GSG1L: variants seen among roughly 807,000 people sequenced by gnomAD.
GSG1L encodes the protein germ cell-specific gene 1-like protein.
Under a neutral mutation model 42.1 loss-of-function variants are expected in GSG1L, and 24 were observed. The ratio of observed to expected loss-of-function variants is 0.57; its 90% CI spans 0.41 to 0.80. GSG1L has a LOEUF of 0.80. Among genes scored for constraint, GSG1L ranks in the 30% least tolerant of loss-of-function variants. The probability of loss-of-function intolerance (pLI) is 0.00; values close to 1 mark genes in which losing one functional copy is unlikely to be tolerated. For missense variants in GSG1L, 445 were observed against 472.2 expected (o/e 0.94, Z 0.53); for synonymous variants, 215 against 203.5 (o/e 1.06, Z -0.48).
intron 1 of GSG1L, among the ~76,000 whole-genome samples, chr16:28,017,412 C>T (rs187448855): frequency 1.4e-4 from 21 of 152,300 alleles, no homozygotes; most frequent in African/African-American, 4.3e-4. Context: ...AACTTCTTGG[C>T]GTTATCTAAT....
chr16:27,873,210 A>T (rs1441832660), intron 3 of GSG1L, among the ~76,000 whole-genome samples: 3 of 152,180 alleles, frequency 2.0e-5, no homozygotes, highest in Non-Finnish European at 4.4e-5. Flanking sequence ...GAAGTTCTAA[A>T]ATCCAAATGT....
intron 2 of GSG1L, among the ~76,000 whole-genome samples, chr16:27,946,579 AAGAGAGAGAGAGAGAGAGAGAGAGAG>A (rs1166800286): frequency 3.5e-4 from 13 of 36,998 alleles, no homozygotes; most frequent in African/African-American, 1.4e-3. Flanking sequence ...GAAAGAAAGA[AAGAGAGAGAGAGAGAGAGAGAGAGAG>A]AGAGAGAGAG....
intron 4 of GSG1L, among the ~76,000 whole-genome samples, chr16:27,832,799 C>A (rs997562282): frequency 2.6e-5 from 4 of 152,164 alleles, no homozygotes; most frequent in Non-Finnish European, 5.9e-5. Flanking sequence ...TGCCCACTTT[C>A]TAATTGGATT....
At chr16:27,946,196 C>T (rs987832972) in intron 2 of GSG1L, among the ~76,000 whole-genome samples, 2 of 152,130 alleles carry the variant, frequency 1.3e-5, no homozygotes, top group South Asian at 2.1e-4. Flanking sequence ...GTCAGCTGCC[C>T]GGCCACTCTG....
rs577534942 is a variant in GSG1L at position 27,954,713 on chromosome 16, G to C, written c.397+8443C>G. 3.3e-5 allele frequency among the ~76,000 whole-genome samples: 5 copies of C among 152,288 alleles called. No homozygotes were observed. In the South Asian group the frequency reaches 8.3e-4, roughly 25 times the overall value. ...CTGTCACCCAGGCTGGAGTGTGGTG[G>C]TACGATCCTAGCTCACTGCAGCCTT... is the stretch of plus-strand genomic sequence containing the variant. On this transcript the variant is annotated intron_variant, in intron 2 of 6. Coordinates refer to ENST00000447459, the MANE Select transcript of GSG1L (RefSeq NM_001109763.2).
At chr16:27,814,158 C>T (rs2083065950) in intron 5 of GSG1L, among the ~76,000 whole-genome samples, 1 of 152,180 alleles carries the variant, frequency 6.6e-6, no homozygotes, top group Admixed American at 6.5e-5. Flanking sequence ...GTCACCCAGG[C>T]TGGAGTGCAG....
intron 2 of GSG1L, among the ~76,000 whole-genome samples, chr16:27,953,246 C>T (rs1363499481): frequency 2.0e-5 from 3 of 152,148 alleles, no homozygotes; most frequent in African/African-American, 7.2e-5. Flanking sequence ...CGTGCCACCA[C>T]ACTGGGCTAA....
intron 1 of GSG1L, among the ~76,000 whole-genome samples, chr16:27,974,643 C>T (rs755706312): frequency 4.6e-5 from 7 of 152,222 alleles, no homozygotes; most frequent in Non-Finnish European, 7.3e-5. Flanking sequence ...CACCATCACA[C>T]ACCATTGCAT....
At chr16:27,996,535 A>C (rs1399959558) in intron 1 of GSG1L, among the ~76,000 whole-genome samples, 1 of 150,962 alleles carries the variant, frequency 6.6e-6, no homozygotes, top group Non-Finnish European at 1.5e-5. Flanking sequence ...TATAATTATT[A>C]ATTAATATTC....
intron 2 of GSG1L, among the ~76,000 whole-genome samples, chr16:27,931,983 G>T (rs184833069): frequency 7.2e-5 from 11 of 152,314 alleles, no homozygotes; most frequent in Admixed American, 7.2e-4. Flanking sequence ...GACATTCACA[G>T]CCGTCCTTCT....
At chr16:27,913,710 A>G (rs1443914281) in intron 2 of GSG1L, among the ~76,000 whole-genome samples, 1 of 152,218 alleles carries the variant, frequency 6.6e-6, no homozygotes. Flanking sequence ...AGTAACCACA[A>G]TAGAGACTGT....
chr16:28,039,225 G>GT (rs1221498212), intron 1 of GSG1L, among the ~76,000 whole-genome samples: 1 of 152,188 alleles, frequency 6.6e-6, no homozygotes, highest in Non-Finnish European at 1.5e-5. Context: ...CATGGGGAAG[G>GT]AAGGGGGCAG....
At chr16:27,934,439 G>T (rs1360346811) in intron 2 of GSG1L, among the ~76,000 whole-genome samples, 1 of 152,192 alleles carries the variant, frequency 6.6e-6, no homozygotes, top group Non-Finnish European at 1.5e-5. Context: ...GGAGGTTAAG[G>T]TAGGAGAATC....
At chr16:27,916,171 A>G (rs928964302) in intron 2 of GSG1L, among the ~76,000 whole-genome samples, 2 of 152,332 alleles carry the variant, frequency 1.3e-5, no homozygotes, top group African/African-American at 4.8e-5. Context: ...ACTCTGCAGT[A>G]TAATTCACAC....
intron 2 of GSG1L, 135 bp downstream of exon 2, chr16:27,963,021 T>C (rs960711045): frequency 1.4e-6 from 1 of 708,988 alleles, no homozygotes; most frequent in Non-Finnish European, 2.5e-6. Context: ...TGCAACAGGG[T>C]GTCTGGCTCC....
intron 2 of GSG1L, among the ~76,000 whole-genome samples, chr16:27,904,556 T>G (rs2084298117): frequency 6.6e-6 from 1 of 151,964 alleles, no homozygotes; most frequent in South Asian, 2.1e-4. Flanking sequence ...CCTCCATAAA[T>G]CCCTCTAATG....
At chr16:27,792,431 T>A in intron 6 of GSG1L, among the ~76,000 whole-genome samples, 1 of 152,182 alleles carries the variant, frequency 6.6e-6, no homozygotes. Context: ...CACTCCTTCG[T>A]GTTTTTGGCA....
intron 1 of GSG1L, among the ~76,000 whole-genome samples, chr16:28,008,690 T>A (rs988899885): frequency 3.9e-5 from 6 of 152,230 alleles, no homozygotes; most frequent in Non-Finnish European, 7.3e-5. Flanking sequence ...ACCGAAGTCC[T>A]CACGGTGGCC....
intron 1 of GSG1L, among the ~76,000 whole-genome samples, chr16:27,983,850 A>G (rs2085351091): frequency 6.6e-6 from 1 of 152,196 alleles, no homozygotes; most frequent in Admixed American, 6.5e-5. Context: ...AGCTTGCAGG[A>G]AAACAGCCTG....
Sources: gnomAD v4.1 joint callset for allele counts (sites outside exome capture counted in the v4.1 genomes callset) on GRCh38, gnomAD v4.1.1 for gene constraint, MANE v1.5 for transcripts, NCBI Gene and HGNC (gene_info 2026-07-23, HGNC 2026-07-21) for gene names.